The following CTNND1 variants were observed in gnomAD, a reference collection of about 807,000 sequenced individuals.
CTNND1 encodes catenin delta 1, also known as catenin delta-1.
In CTNND1, 16 loss-of-function variants were observed where a neutral mutation model predicts 112.1. The ratio of observed to expected loss-of-function variants is 0.14; its 90% confidence interval spans 0.10 to 0.22. The LOEUF (loss-of-function observed/expected upper bound fraction) is 0.22. CTNND1 is among the 10% of genes least tolerant of loss of function. CTNND1 has a pLI of 1.00. For missense variants in CTNND1, 1,008 were observed against 1,257.0 expected, an observed-to-expected ratio of 0.80 and a Z score of 3.00; for synonymous variants, 420 against 446.5, an observed-to-expected ratio of 0.94 and a Z score of 0.75.
Position 57,801,726 on chromosome 11 carries a change from T to C in CTNND1, c.957-7T>C. On this transcript the variant is annotated splice_region_variant and splice_polypyrimidine_tract_variant and intron_variant, in intron 6 of 20. Transcript: ENST00000399050. ...TGTATTCTCTTGGTTCTTCCAAAAC[T>C]TCTCAGGAGCTATGAAGACATGATT... The C allele has an allele frequency of 6.2e-7, 1 of 1,605,220 alleles. No homozygotes were observed. Among genetic ancestry groups the C allele is most frequent in the South Asian group, 1.1e-5 (1 of 90,404 alleles).
chr11:57,807,137 A>G (rs573770592), intron 12 of CTNND1, among the ~76,000 whole-genome samples, 154 bp downstream of exon 12: 121 of 152,350 alleles, frequency 7.9e-4, no homozygotes, highest in Middle Eastern at 6.8e-3. Context: ...GGGAAGCTGC[A>G]TAGTATTATA....
rs1329204636 is a variant in CTNND1, at chr11:57,816,366, T to C, written c.*58T>C. ...GTACTTTTATTTTTTGGTGGTGAAA[T>C]TGACTGATGATTTTCCTTTTTCTTC... is the stretch of plus-strand genomic sequence containing the variant. On this transcript the variant is annotated 3_prime_UTR_variant, in exon 21 of 21. Transcript: ENST00000399050. 4.4e-6 allele frequency: 7 copies of C among 1,605,218 alleles called. No individual in the cohort carries two copies. The highest frequency in any genetic ancestry group is 2.2e-5 in the South Asian group (2 of 90,874).
rs528792933 is a variant in CTNND1, at chr11:57,806,510, T to C, written c.1894+32T>C. 8 of 1,577,236 alleles carry C rather than the reference T, an allele frequency of 5.1e-6. No individual in the cohort carries two copies. In the Admixed American group the frequency reaches 5.5e-5, roughly 11 times the overall value. ...GGAGTCTTTTAAGGTGCTTATCTACTTCTAATTTGCATGTTTTGATTTTAG... is the reference window on the plus strand; with the variant it reads ...GGAGTCTTTTAAGGTGCTTATCTACCTCTAATTTGCATGTTTTGATTTTAG... On this transcript the variant is annotated intron_variant, in intron 11 of 20. Transcript: ENST00000399050.
chr11:57,777,231 TG>T (rs946453534), intron 1 of CTNND1, among the ~76,000 whole-genome samples: 4 of 152,178 alleles, frequency 2.6e-5, no homozygotes, highest in Non-Finnish European at 5.9e-5. Flanking sequence ...GAATGGCTAT[TG>T]TGTATATTAC....
At chr11:57,773,541 T>G (rs2136122636) in intron 1 of CTNND1, among the ~76,000 whole-genome samples, 1 of 150,350 alleles carries the variant, frequency 6.7e-6, no homozygotes, top group South Asian at 2.1e-4. Flanking sequence ...AACCTCCACC[T>G]CCTGGGTTCA....
chr11:57,768,614 T>C (rs947608773), intron 1 of CTNND1, among the ~76,000 whole-genome samples: 7 of 151,540 alleles, frequency 4.6e-5, no homozygotes, highest in South Asian at 2.1e-4. Context: ...AGGATGATCT[T>C]GATCTCCTGA....
chr11:57,774,129 A>G (rs1306403490), intron 1 of CTNND1, among the ~76,000 whole-genome samples: 1 of 152,142 alleles, frequency 6.6e-6, no homozygotes, highest in East Asian at 1.9e-4. Flanking sequence ...GCTCTTACTC[A>G]AACCAGAAGT....
intron 6 of CTNND1, among the ~76,000 whole-genome samples, chr11:57,798,808 ATGT>A (rs1157156814): frequency 6.6e-6 from 1 of 152,200 alleles, no homozygotes; most frequent in Non-Finnish European, 1.5e-5. Context: ...TCTTTGTCGT[ATGT>A]TGTTCTTTTT....
At chr11:57,790,995 T>C (rs2060679180) in intron 2 of CTNND1, among the ~76,000 whole-genome samples, 1 of 152,220 alleles carries the variant, frequency 6.6e-6, no homozygotes, top group Admixed American at 6.5e-5. Flanking sequence ...TAAAAGTGGC[T>C]TGTCCCTGCA....
At chr11:57,769,720 C>T (rs539317194) in intron 1 of CTNND1, among the ~76,000 whole-genome samples, 3 of 151,874 alleles carry the variant, frequency 2.0e-5, no homozygotes, top group Non-Finnish European at 4.4e-5. Flanking sequence ...AACATAAAGA[C>T]GTATTTCTGT....
chr11:57,783,392 G>A (rs1330861886), intron 1 of CTNND1, among the ~76,000 whole-genome samples: 1 of 152,134 alleles, frequency 6.6e-6, no homozygotes, highest in African/African-American at 2.4e-5. Context: ...GAAAGGCCGG[G>A]CTCACGCCTG....
intron 1 of CTNND1, among the ~76,000 whole-genome samples, chr11:57,780,929 G>C (rs965850254): frequency 2.0e-5 from 3 of 152,102 alleles, no homozygotes; most frequent in African/African-American, 7.2e-5. Flanking sequence ...GTGAGAAGCT[G>C]CTATTTTCTT....
intron 5 of CTNND1, 50 bp downstream of exon 5, chr11:57,795,779 C>T (rs1409978062): frequency 1.3e-6 from 2 of 1,500,624 alleles, no homozygotes; most frequent in African/African-American, 2.8e-5. Flanking sequence ...GTCTTTTCTT[C>T]TCTATTAGGG....
intron 18 of CTNND1, among the ~76,000 whole-genome samples, 191 bp downstream of exon 18, chr11:57,814,564 C>G (rs1157215744): frequency 6.6e-6 from 1 of 152,132 alleles, no homozygotes; most frequent in Non-Finnish European, 1.5e-5. Context: ...TTCTACATTC[C>G]TACATGCTCA....
At chr11:57,765,441 T>C (rs1283366829) in intron 1 of CTNND1, among the ~76,000 whole-genome samples, 1 of 151,754 alleles carries the variant, frequency 6.6e-6, no homozygotes, top group Non-Finnish European at 1.5e-5. Context: ...TTTTAACCTT[T>C]TATGCGTCTC....
At chr11:57,783,430 C>T (rs924588720) in intron 1 of CTNND1, among the ~76,000 whole-genome samples, 10 of 152,112 alleles carry the variant, frequency 6.6e-5, no homozygotes, top group Admixed American at 2.0e-4. Flanking sequence ...AAGGCCGCGG[C>T]GGGTGGATCA....
chr11:57,808,121 T>G, intron 12 of CTNND1, 44 bp from the exon 13 acceptor site: 1 of 1,575,928 alleles, frequency 6.3e-7, no homozygotes, highest in Non-Finnish European at 8.7e-7. Flanking sequence ...CCTGGTTTAT[T>G]GGTACTGATT....
intron 1 of CTNND1, among the ~76,000 whole-genome samples, chr11:57,777,761 G>C (rs1224238051): frequency 6.6e-6 from 1 of 152,176 alleles, no homozygotes; most frequent in Non-Finnish European, 1.5e-5. Context: ...TGCCCCTCTG[G>C]TTGGAGGACT....
intron 1 of CTNND1, among the ~76,000 whole-genome samples, chr11:57,768,022 A>AG (rs1190411347): frequency 1.3e-5 from 2 of 151,600 alleles, no homozygotes; most frequent in African/African-American, 4.8e-5. Flanking sequence ...TTAGTAGAGG[A>AG]GGGGGTTTCA....
Sources: gnomAD v4.1 joint callset for allele counts (sites outside exome capture counted in the v4.1 genomes callset) on GRCh38, gnomAD v4.1.1 for gene constraint, MANE v1.5 for transcripts, NCBI Gene and HGNC (gene_info 2026-07-23, HGNC 2026-07-21) for gene names.